MAPK6: variants seen among roughly 807,000 people sequenced by gnomAD.
MAPK6 encodes mitogen-activated protein kinase 6.
Under a neutral mutation model 59.3 loss-of-function variants are expected in MAPK6, and 19 were observed. The ratio of observed to expected loss-of-function variants is 0.32; its 90% CI spans 0.22 to 0.47. The LOEUF (loss-of-function observed/expected upper bound fraction) is 0.47. Ranked by LOEUF, MAPK6 falls within the 20% of genes least tolerant of loss-of-function variation. The probability of loss-of-function intolerance (pLI) is 1.00; values close to 1 mark genes in which losing one functional copy is unlikely to be tolerated. For missense variants in MAPK6, 724 were observed against 847.9 expected (o/e 0.85, Z 1.81); for synonymous variants, 316 against 290.3 (o/e 1.09, Z -0.90).
At chr15:52,022,774 T>C (rs149506840) in intron 1 of MAPK6, among the ~76,000 whole-genome samples, 19 of 152,146 alleles carry the variant, frequency 1.2e-4, no homozygotes, top group Admixed American at 7.9e-4. Context: ...CGGCATTGTT[T>C]TCAAATATAG....
upstream of MAPK6, chr15:52,019,075 C>T (rs892356009): frequency 1.3e-5 from 2 of 152,282 alleles, no homozygotes; most frequent in African/African-American, 2.4e-5. Context: ...GTGCCTTTCC[C>T]ACCGCCTCCG....
chr15:52,064,647 T>G lies in MAPK6; in HGVS notation c.1813T>G (p.Phe605Val), dbSNP rs1354199372. The change falls in exon 6 of 6, where the codon TTT becomes GTT. Residue 605 changes from phenylalanine to valine, a missense_variant. Around this residue, in one of 4 missense-constraint regions of MAPK6, gnomAD observed 502 missense variants for 507.6 expected, o/e 0.99. Transcript: ENST00000261845. The stretch of plus-strand genomic sequence containing the variant: ...GTTTGTGAGTGGTGGGGAGGACTGT[T>G]TTTTCATAAATCAGTTTTGTGAGGT... ...SQFVSGGEDC[F>V]FINQFCEVRK... 2 of 1,611,802 alleles carry G rather than the reference T, an allele frequency of 1.2e-6. No homozygotes were observed. The highest frequency in any genetic ancestry group is 1.3e-5 in the African/African-American group (1 of 74,964).
chr15:52,042,085 T>C (rs1252789486), intron 1 of MAPK6, among the ~76,000 whole-genome samples: 2 of 152,194 alleles, frequency 1.3e-5, no homozygotes, highest in African/African-American at 2.4e-5. Flanking sequence ...CTGTATGATA[T>C]AGAGGTACAG....
At chr15:52,047,055 A>G (rs576463529) in intron 2 of MAPK6, 40 bp downstream of exon 2, 1 of 1,390,058 alleles carries the variant, frequency 7.2e-7, no homozygotes, top group South Asian at 1.6e-5. Context: ...CTTTAAACTG[A>G]TACACCTAAT....
At chr15:52,060,029 T>A (rs1283330443) in intron 4 of MAPK6, among the ~76,000 whole-genome samples, 1 of 152,178 alleles carries the variant, frequency 6.6e-6, no homozygotes, top group Admixed American at 6.5e-5. Flanking sequence ...CTACTCTGGT[T>A]AATTTCCCTC....
At chr15:51,978,740 G>A (rs1203349932) in intron 1 of MAPK6, among the ~76,000 whole-genome samples, 1 of 151,510 alleles carries the variant, frequency 6.6e-6, no homozygotes, top group Non-Finnish European at 1.5e-5. Context: ...TTTTGAAAAA[G>A]GGATTGTGGA....
intron 2 of MAPK6, among the ~76,000 whole-genome samples, chr15:51,989,079 AT>A (rs201759381): frequency 0.43 from 57,073 of 132,694 alleles, 10,992 homozygotes; most frequent in South Asian, 0.57. Flanking sequence ...AAAATCCATA[AT>A]TTTTTTTTTT....
Position 51,991,148 on chromosome 15 carries a change from T to TACACACAC in MAPK6, c.-770+7859_-770+7866dup, listed in dbSNP as rs933912695. ...CATCTCAAAAAGAAATATATATATA[T>TACACACAC]ACACACACACACACACACACACACA... On this transcript the variant is annotated intron_variant, in intron 2 of 7. Coordinates refer to the MAPK6 transcript ENST00000691380. Among the ~76,000 whole-genome samples the TACACACAC allele has an allele frequency of 4.7e-3, 668 of 140,716 alleles. 3 individuals carry two copies. Among genetic ancestry groups the TACACACAC allele is most frequent in the Non-Finnish European group, 7.6e-3 (500 of 66,080 alleles). The allele number at this position is 140,716 out of a possible 152,430, so 92.3% of individuals were successfully genotyped here.
chr15:51,972,878 A>G (rs984843492), intron 1 of MAPK6, among the ~76,000 whole-genome samples: 3 of 151,688 alleles, frequency 2.0e-5, no homozygotes, highest in African/African-American at 4.8e-5. Context: ...GCATGATGGC[A>G]TGCATTTGTA....
chr15:51,975,428 C>T (rs1425796609), intron 1 of MAPK6, among the ~76,000 whole-genome samples: 1 of 151,440 alleles, frequency 6.6e-6, no homozygotes, highest in Non-Finnish European at 1.5e-5. Flanking sequence ...GTAGTCCCAG[C>T]TACTCAGGAG....
At chr15:51,997,718 G>A (rs893276370) in intron 2 of MAPK6, among the ~76,000 whole-genome samples, 1 of 150,378 alleles carries the variant, frequency 6.6e-6, no homozygotes, top group Non-Finnish European at 1.5e-5. Flanking sequence ...AGCCTCTTGA[G>A]TAGCTGGTAT....
At chr15:52,034,734 G>A (rs997884807) in intron 1 of MAPK6, among the ~76,000 whole-genome samples, 2 of 151,946 alleles carry the variant, frequency 1.3e-5, no homozygotes, top group Admixed American at 6.6e-5. Flanking sequence ...ATCTTCCTCT[G>A]TTGCCCAGGC....
intron 1 of MAPK6, among the ~76,000 whole-genome samples, chr15:52,032,214 CAG>C (rs779559703): frequency 2.2e-4 from 23 of 106,000 alleles, no homozygotes; most frequent in Non-Finnish European, 3.8e-4. Flanking sequence ...TTTTTTGAGA[CAG>C]AGTCTTGCTC....
chr15:51,979,106 GA>G lies in MAPK6; in HGVS notation c.-879-4090del, dbSNP rs932179715. On this transcript the variant is annotated intron_variant, in intron 1 of 7. Coordinates refer to the MAPK6 transcript ENST00000691380. ...AGCCGGGGTGACAGAGTGAGACCTT[GA>G]AAAAAAAAAGAGAGAAAGAAAGGAA... Among the ~76,000 whole-genome samples the G allele has an allele frequency of 7.8e-5, 8 of 102,128 alleles. No individual in the cohort carries two copies. The East Asian group carries it at 1.0e-3, about 13-fold the overall frequency. 67.0% of individuals were successfully genotyped at this position (102,128 alleles called of 152,430 possible). A position where few individuals can be genotyped will look rare whatever the true frequency, so the allele number is the denominator to read the frequency against.
chr15:52,026,422 G>C (rs559149562), intron 1 of MAPK6, among the ~76,000 whole-genome samples: 3 of 152,250 alleles, frequency 2.0e-5, no homozygotes, highest in African/African-American at 7.2e-5. Flanking sequence ...CTCCCAAGTA[G>C]CTGGGATTAC....
chr15:52,054,624 G>T (rs1365147953), intron 3 of MAPK6, among the ~76,000 whole-genome samples: 1 of 151,794 alleles, frequency 6.6e-6, no homozygotes, highest in Admixed American at 6.6e-5. Context: ...GCGGAGTTCA[G>T]TTCCACCCTT....
chr15:52,029,093 A>G (rs1377099137), intron 1 of MAPK6, among the ~76,000 whole-genome samples: 1 of 152,178 alleles, frequency 6.6e-6, no homozygotes, highest in Non-Finnish European at 1.5e-5. Context: ...GTTGGAGTGC[A>G]GTGGCGCAAT....
chr15:52,064,749 A>G lies in MAPK6; in HGVS notation c.1915A>G (p.Thr639Ala). 1 of 1,611,840 alleles carries G rather than the reference A, an allele frequency of 6.2e-7. No individual in the cohort carries two copies. Among genetic ancestry groups the G allele is most frequent in the Non-Finnish European group, 8.5e-7 (1 of 1,179,706 alleles). Residue 639 changes from threonine (T) to alanine (A), a missense_variant, in exon 6 of 6, where the codon ACT (threonine) becomes GCT (alanine). Physicochemically the swap from Thr to Ala is moderately conservative, Grantham distance 58. Transcript: ENST00000261845. ...LDKFFSRKEDTEMLETEPVED... is the reference protein window; with the variant it reads ...LDKFFSRKEDAEMLETEPVED... The stretch of plus-strand genomic sequence containing the variant: ...CAAGTTCTTTAGCAGGAAAGAAGAT[A>G]CTGAAATGCTAGAAACTGAGCCAGT...
At chr15:51,988,798 A>G (rs1402544925) in intron 2 of MAPK6, among the ~76,000 whole-genome samples, 1 of 152,024 alleles carries the variant, frequency 6.6e-6, no homozygotes, top group African/African-American at 2.4e-5. Context: ...GCAGTTCTAG[A>G]GACCAGAAGT....
Sources: allele counts gnomAD v4.1 joint callset (sites outside exome capture counted in the v4.1 genomes callset), GRCh38; gene constraint gnomAD v4.1.1; regional missense constraint gnomAD v4.1.1; transcripts MANE v1.5; gene names NCBI Gene and HGNC (gene_info 2026-07-23, HGNC 2026-07-21).